PDHX: variants seen among roughly 807,000 people sequenced by gnomAD.
PDHX encodes pyruvate dehydrogenase protein X component, mitochondrial.
In PDHX, 33 loss-of-function variants were observed where a neutral mutation model predicts 55.3. That is an observed-to-expected ratio of 0.60 (90% CI 0.45 to 0.80). PDHX has a LOEUF of 0.80. Ranked by LOEUF, PDHX falls within the 30% of genes least tolerant of loss-of-function variation. PDHX has a pLI of 0.00. For missense variants in PDHX, 622 were observed against 619.9 expected (o/e 1.00, Z -0.04); for synonymous variants, 226 against 219.4 (o/e 1.03, Z -0.27).
intron 3 of PDHX, among the ~76,000 whole-genome samples, chr11:34,948,365 G>T (rs1854675931): frequency 6.6e-6 from 1 of 152,088 alleles, no homozygotes; most frequent in African/African-American, 2.4e-5. Flanking sequence ...AGTTCAATTT[G>T]TACAGATGAG....
At chr11:34,925,529 CTTAGTG>C (rs774211208) in intron 1 of PDHX, among the ~76,000 whole-genome samples, 11 of 152,090 alleles carry the variant, frequency 7.2e-5, no homozygotes, top group Middle Eastern at 6.8e-3. Flanking sequence ...CATTTTTAAA[CTTAGTG>C]TTAGTTAAGT....
At chr11:34,939,843 C>A (rs1854430984) in intron 2 of PDHX, among the ~76,000 whole-genome samples, 1 of 152,064 alleles carries the variant, frequency 6.6e-6, no homozygotes. Flanking sequence ...CCTTATATAT[C>A]ATAAAATTAG....
intron 1 of PDHX, among the ~76,000 whole-genome samples, chr11:34,923,679 A>T (rs902502933): frequency 6.6e-6 from 1 of 152,134 alleles, no homozygotes; most frequent in Non-Finnish European, 1.5e-5. Flanking sequence ...TGATGGTCTA[A>T]TGGCATTTTT....
chr11:34,994,941 C>T lies in PDHX; in HGVS notation c.1275C>T (p.Ile425=), dbSNP rs772761912. 12 of 1,613,768 alleles carry T rather than the reference C, an allele frequency of 7.4e-6. No individual in the cohort carries two copies. The highest frequency in any genetic ancestry group is 5.3e-5 in the African/African-American group (4 of 74,864). ...FSISNLGMFG[I]DEFTAVINPP... ...TTTCCAACTTGGGGATGTTTGGCAT[C>T]GACGAATTTACTGCAGTGATTAACC... The change falls in exon 11 of 11, where the codon ATC becomes ATT. Residue 425 remains isoleucine, a synonymous_variant. Transcript: ENST00000227868.
In PDHX at chr11:34,931,457, A is replaced by C. The variant is rs143301712; in HGVS notation, c.214A>C (p.Asn72His). 1.0e-5 allele frequency: 16 copies of C among 1,604,042 alleles called. No homozygotes were observed. The highest frequency in any genetic ancestry group is 1.4e-5 in the Non-Finnish European group (16 of 1,171,450). ...PSLSPTMEEGNIVKWLKKEGE... is the reference protein window; with the variant it reads ...PSLSPTMEEGHIVKWLKKEGE... ...ACTGTCTCCTACAATGGAAGAAGGAAACATTGTGAAATGGCTGAAAAAGGA... is the reference window on the plus strand; with the variant it reads ...ACTGTCTCCTACAATGGAAGAAGGACACATTGTGAAATGGCTGAAAAAGGA... The change falls in exon 2 of 11, where the codon AAC (asparagine) becomes CAC (histidine). Residue 72 changes from asparagine (N) to histidine (H), a missense_variant. By Grantham distance (68) the Asn-to-His change is moderately conservative. Transcript: ENST00000227868.
rs141506224 is a variant in PDHX, at chr11:34,966,768, G to A, written c.770G>A (p.Arg257Gln). Reference protein sequence around the residue: ...LQATAGPSYPRPVIPPVSTPG... With the variant: ...LQATAGPSYPQPVIPPVSTPG... ...GCCACAGCTGGACCATCTTATCCCC[G>A]GCCTGTGATCCCACCAGTATCAACT... Residue 257 changes from arginine to glutamine, a missense_variant, in exon 6 of 11, where the codon CGG becomes CAG. By Grantham distance (43) the Arg-to-Gln change is conservative. Transcript: ENST00000227868. 26 of 1,613,908 alleles carry A rather than the reference G, an allele frequency of 1.6e-5. No individual in the cohort carries two copies. The highest frequency in any genetic ancestry group is 8.0e-5 in the African/African-American group (6 of 74,896).
upstream of PDHX, chr11:34,916,122 C>T: frequency 6.9e-7 from 1 of 1,448,720 alleles, no homozygotes; most frequent in Non-Finnish European, 9.3e-7. Context: ...AAACCCCGCC[C>T]CGCAGCTAAA....
intron 7 of PDHX, among the ~76,000 whole-genome samples, chr11:34,972,606 C>T (rs1855281382): frequency 6.6e-6 from 1 of 151,990 alleles, no homozygotes; most frequent in South Asian, 2.1e-4. Context: ...AGCATGTTGG[C>T]CACGCTGGTC....
At chr11:34,922,864 TTG>T (rs60096111) in intron 1 of PDHX, among the ~76,000 whole-genome samples, 14,435 of 143,132 alleles carry the variant, frequency 0.1, 748 homozygotes, top group Non-Finnish European at 0.11. Context: ...CAAAGTATCG[TTG>T]TGTGTGTGTG....
chr11:34,960,272 AT>A, intron 4 of PDHX, 147 bp from the exon 5 acceptor site: 1 of 604,822 alleles, frequency 1.7e-6, no homozygotes, highest in Non-Finnish European at 3.0e-6. Context: ...ATTGGTACAG[AT>A]TATTTGACTG....
intron 9 of PDHX, 76 bp downstream of exon 9, chr11:34,984,804 A>G (rs896854123): frequency 1.1e-5 from 15 of 1,394,340 alleles, no homozygotes; most frequent in African/African-American, 4.2e-5. Flanking sequence ...TAAAGTTGTG[A>G]CGTAATCTAG....
intron 2 of PDHX, among the ~76,000 whole-genome samples, chr11:34,933,856 G>C (rs1488514304): frequency 6.6e-6 from 1 of 151,418 alleles, no homozygotes; most frequent in African/African-American, 2.4e-5. Context: ...AGGATAATAA[G>C]GATAATATAT....
intron 10 of PDHX, among the ~76,000 whole-genome samples, chr11:34,994,535 T>C (rs1212406630): frequency 6.6e-6 from 1 of 152,162 alleles, no homozygotes; most frequent in African/African-American, 2.4e-5. Flanking sequence ...GTAATTGCAA[T>C]ATGATGTTAT....
chr11:34,916,520 TG>T, upstream of PDHX: 7 of 1,401,760 alleles, frequency 5.0e-6, no homozygotes, highest in Non-Finnish European at 6.5e-6. Context: ...GGGGCTGGGT[TG>T]GGGGGCGGGG....
chr11:34,989,169 C>T (rs1855709775), intron 9 of PDHX, among the ~76,000 whole-genome samples: 1 of 152,124 alleles, frequency 6.6e-6, no homozygotes, highest in Non-Finnish European at 1.5e-5. Context: ...AATAGTGATA[C>T]AATGGTACGT....
At chr11:34,954,927 C>T (rs1005970404) in intron 3 of PDHX, among the ~76,000 whole-genome samples, 7 of 152,070 alleles carry the variant, frequency 4.6e-5, no homozygotes, top group Admixed American at 3.3e-4. Context: ...GTGGAGCCAG[C>T]GTTGAAACTC....
chr11:34,965,345 C>G (rs571435013), intron 5 of PDHX, among the ~76,000 whole-genome samples: 1 of 152,144 alleles, frequency 6.6e-6, no homozygotes, highest in Non-Finnish European at 1.5e-5. Context: ...TGCGTGGTCT[C>G]CATAGGCGGT....
At chr11:34,925,134 TCTC>T (rs1416411097) in intron 1 of PDHX, among the ~76,000 whole-genome samples, 1 of 152,258 alleles carries the variant, frequency 6.6e-6, no homozygotes, top group African/African-American at 2.4e-5. Context: ...TGTAATAGCT[TCTC>T]CACACAGTTT....
chr11:34,984,542 AG>A, intron 8 of PDHX, 27 bp from the exon 9 acceptor site: 7 of 1,610,118 alleles, frequency 4.3e-6, no homozygotes, highest in Non-Finnish European at 5.9e-6. Context: ...CTGCTTTTTT[AG>A]TAACATTTTT....
Sources: allele counts gnomAD v4.1 joint callset (sites outside exome capture counted in the v4.1 genomes callset), GRCh38; gene constraint gnomAD v4.1.1; transcripts MANE v1.5; gene names NCBI Gene and HGNC (gene_info 2026-07-23, HGNC 2026-07-21).